The following UGT3A2 variants were observed in gnomAD, a reference collection of about 807,000 sequenced individuals.
The protein encoded by UGT3A2 is UDP-glycosyltransferase 3A2.
UGT3A2 carries 32 observed loss-of-function variants against 39.8 expected under a neutral mutation model. That is an observed-to-expected ratio of 0.80 (90% CI 0.61 to 1.08). The LOEUF (loss-of-function observed/expected upper bound fraction) is 1.08, where lower values mean the gene tolerates loss of function less well. Among genes scored for constraint, UGT3A2 ranks in the 50% least tolerant of loss-of-function variants. The pLI is 0.00. For missense variants in UGT3A2, 611 were observed against 637.1 expected (o/e 0.96, Z 0.44); for synonymous variants, 241 against 230.7 (o/e 1.04, Z -0.40).
intron 4 of UGT3A2, among the ~76,000 whole-genome samples, chr5:36,041,214 G>A (rs1741996068): frequency 2.0e-5 from 3 of 152,026 alleles, no homozygotes; most frequent in South Asian, 2.1e-4. Flanking sequence ...CTTTAGGAAG[G>A]GAGGGAATAG....
chr5:36,057,039 G>A lies in UGT3A2; in HGVS notation c.197-5055C>T, dbSNP rs973363564. Among the ~76,000 whole-genome samples the A allele has an allele frequency of 3.3e-5, 5 of 152,246 alleles. No individual in the cohort carries two copies. The East Asian group carries it at 7.7e-4, about 23-fold the overall frequency. On this transcript the variant is annotated intron_variant, in intron 2 of 6. Transcript: ENST00000282507. ...AATTTAGGCTTTCTCTCTCATGCTC[G>A]TGAATATCTCTTGAATATTCTTCTA...
intron 2 of UGT3A2, among the ~76,000 whole-genome samples, chr5:36,052,551 T>C (rs936459029): frequency 6.6e-6 from 1 of 151,750 alleles, no homozygotes; most frequent in African/African-American, 2.4e-5. Context: ...AGTAAATTGG[T>C]AAGAAAACTC....
intron 2 of UGT3A2, among the ~76,000 whole-genome samples, chr5:36,061,473 A>G (rs550187914): frequency 0.089 from 12,796 of 144,508 alleles, 1,792 homozygotes; most frequent in African/African-American, 0.32. Flanking sequence ...TCCCACCTAT[A>G]AGTGAGAATA....
intron 4 of UGT3A2, among the ~76,000 whole-genome samples, chr5:36,042,492 C>T (rs544773608): frequency 3.2e-4 from 49 of 151,980 alleles, no homozygotes; most frequent in Non-Finnish European, 5.7e-4. Flanking sequence ...AAGATCACAA[C>T]ACAACCAGAA....
At chr5:36,060,182 GCTGGA>G (rs1229630899) in intron 2 of UGT3A2, among the ~76,000 whole-genome samples, 1 of 152,242 alleles carries the variant, frequency 6.6e-6, no homozygotes, top group African/African-American at 2.4e-5. Context: ...TGTAAGATAA[GCTGGA>G]CCACCAACCA....
chr5:36,035,599 TAGA>T lies in UGT3A2; in HGVS notation c.*96_*98del. On this transcript the variant is annotated 3_prime_UTR_variant, in exon 7 of 7. Coordinates refer to ENST00000282507, the MANE Select transcript of UGT3A2 (RefSeq NM_174914.4). The stretch of plus-strand genomic sequence containing the variant: ...GTTCTTCAAGAAAACAGGAGATAAC[TAGA>T]AGGACTAGAGAATGGGGCTGCCAGA... 2 of 1,487,060 alleles carry T rather than the reference TAGA, an allele frequency of 1.3e-6. No homozygotes were observed. Among genetic ancestry groups the T allele is most frequent in the East Asian group, 2.3e-5 (1 of 43,080 alleles). The allele number at this position is 1,487,060 out of a possible 1,614,324, so 92.1% of individuals were successfully genotyped here. A position where few individuals can be genotyped will look rare whatever the true frequency, so the allele number is the denominator to read the frequency against.
intron 2 of UGT3A2, among the ~76,000 whole-genome samples, chr5:36,061,175 T>TA (rs111660618): frequency 0.016 from 2,487 of 152,124 alleles, 59 homozygotes; most frequent in African/African-American, 0.057. Flanking sequence ...CTGACTCAAT[T>TA]AAAAAACATG....
At position 36,039,483 on chromosome 5, in the gene UGT3A2, G is replaced by T. The variant is rs1221650154; in HGVS notation, c.1069C>A (p.Leu357Ile). Residue 357 changes from leucine to isoleucine, a missense_variant, in exon 5 of 7, where the codon CTC (leucine) becomes ATC (isoleucine). Leu to Ile is a conservative substitution (Grantham distance 5, BLOSUM62 2). Transcript: ENST00000282507. ...AGTCCTGGGCAGCCCTTACCCAGGA[G>T]GTCACTCTGAGGAAGCCAGTCCACA... is the stretch of plus-strand genomic sequence containing the variant. ...KIVDWLPQSDLLAHPSIRLFV... is the reference protein window; with the variant it reads ...KIVDWLPQSDILAHPSIRLFV... 2 of 1,613,974 alleles carry T rather than the reference G, an allele frequency of 1.2e-6. No individual in the cohort carries two copies. The highest frequency in any genetic ancestry group is 3.3e-5 in the Admixed American group (2 of 60,028).
chr5:36,063,579 G>T (rs1742784470), intron 2 of UGT3A2, among the ~76,000 whole-genome samples: 1 of 152,164 alleles, frequency 6.6e-6, no homozygotes, highest in Non-Finnish European at 1.5e-5. Flanking sequence ...TCTATAAAAA[G>T]AACAGTGATT....
intron 2 of UGT3A2, among the ~76,000 whole-genome samples, chr5:36,062,555 A>G (rs1261294371): frequency 6.6e-6 from 1 of 151,286 alleles, no homozygotes; most frequent in South Asian, 2.1e-4. Flanking sequence ...ATAGTTGTAG[A>G]TATGCGGCGT....
In UGT3A2 at chr5:36,035,718, T is replaced by G; in HGVS notation, c.1552A>C (p.Arg518=). 1 of 1,614,114 alleles carries G rather than the reference T, an allele frequency of 6.2e-7. No individual in the cohort carries two copies. The highest frequency in any genetic ancestry group is 8.5e-7 in the Non-Finnish European group (1 of 1,180,010). The change falls in exon 7 of 7, where the codon AGA becomes CGA. Residue 518 remains arginine, a synonymous_variant. Transcript: ENST00000282507. The part of the protein sequence containing the change: ...GMAVWWLRGA[R]KVKET ...TGGCCTTATGTCTCCTTCACCTTTC[T>G]GGCCCCACGCAGCCACCAGACAGCC...
intron 2 of UGT3A2, 21 bp from the exon 3 acceptor site, chr5:36,052,005 TA>T (rs750728715): frequency 3.6e-4 from 538 of 1,490,888 alleles, no homozygotes; most frequent in Admixed American, 5.9e-4. Context: ...AGCAACGGGT[TA>T]AAAAAAAAGT....
intron 5 of UGT3A2, 85 bp downstream of exon 5, chr5:36,039,392 C>T: frequency 7.4e-7 from 1 of 1,353,866 alleles, no homozygotes; most frequent in Non-Finnish European, 1.0e-6. Context: ...CCAGTGGGTA[C>T]AAATGTCCAG....
chr5:36,049,292 A>G lies in UGT3A2; in HGVS notation c.440T>C (p.Phe147Ser). Residue 147 changes from phenylalanine to serine, a missense_variant, in exon 4 of 7, where the codon TTT becomes TCT. Coordinates refer to ENST00000282507, the MANE Select transcript of UGT3A2 (RefSeq NM_174914.4). ...AGCAATCAGGAAAGGACAGTAGTCA[A>G]AAGTTTCAACTATCACCATGTCGAA... is the stretch of plus-strand genomic sequence containing the variant. ...ENFDMVIVET[F>S]DYCPFLIAEK... 6.2e-7 allele frequency: 1 copy of G among 1,614,196 alleles called. No homozygotes were observed. The highest frequency in any genetic ancestry group is 8.5e-7 in the Non-Finnish European group (1 of 1,180,024).
chr5:36,058,877 C>G (rs1296166355), intron 2 of UGT3A2, among the ~76,000 whole-genome samples: 1 of 152,048 alleles, frequency 6.6e-6, no homozygotes, highest in Non-Finnish European at 1.5e-5. Context: ...GGCAGTCTAC[C>G]ACAAGTGGTG....
Position 36,048,888 on chromosome 5 carries a change from C to T in UGT3A2, c.843+1G>A, listed in dbSNP as rs780491963. 6.2e-7 allele frequency: 1 copy of T among 1,612,470 alleles called. No individual in the cohort carries two copies. Among genetic ancestry groups the T allele is most frequent in the South Asian group, 1.1e-5 (1 of 90,982 alleles). Reference sequence around the variant, plus strand: ...AAACTGAATGCTGAGGGTTCACTTACTTGTGGTACTGGTTTAATAGGTTTT... The same window carrying T: ...AAACTGAATGCTGAGGGTTCACTTATTTGTGGTACTGGTTTAATAGGTTTT... On this transcript the variant is annotated splice_donor_variant, in intron 4 of 6. Transcript: ENST00000282507. LOFTEE classifies it high-confidence loss of function.
chr5:36,065,026 C>T (rs569020047), intron 1 of UGT3A2, among the ~76,000 whole-genome samples: 60 of 152,222 alleles, frequency 3.9e-4, no homozygotes, highest in African/African-American at 8.9e-4. Flanking sequence ...CCTGGTTGCA[C>T]GAGAGACTAG....
chr5:36,066,629 T>G (rs1742887199), intron 1 of UGT3A2, 67 bp downstream of exon 1: 2 of 1,608,732 alleles, frequency 1.2e-6, no homozygotes, highest in East Asian at 4.5e-5. Context: ...AGCGCTGTTC[T>G]CTGGAGCCCT....
chr5:36,062,926 A>G (rs981232244), intron 2 of UGT3A2, among the ~76,000 whole-genome samples: 1 of 152,090 alleles, frequency 6.6e-6, no homozygotes, highest in Admixed American at 6.5e-5. Context: ...CTGTAATGTC[A>G]GCTACTCAGG....
Sources: allele counts gnomAD v4.1 joint callset (sites outside exome capture counted in the v4.1 genomes callset), GRCh38; gene constraint gnomAD v4.1.1; transcripts MANE v1.5; gene names NCBI Gene and HGNC (gene_info 2026-07-23, HGNC 2026-07-21).